The following RIT2 variants were observed in gnomAD, a reference collection of about 807,000 sequenced individuals.
RIT2 encodes Ras like without CAAX 2.
RIT2 carries 24 observed loss-of-function variants against 23.7 expected under a neutral mutation model. That is an observed-to-expected ratio of 1.01 (90% CI 0.73 to 1.43). The LOEUF is 1.43. Ranked by LOEUF, RIT2 falls within the 40% of genes most tolerant of loss-of-function variation. The pLI is 0.00. For synonymous variants in RIT2, 107 were observed against 91.1 expected (o/e 1.17, Z -0.99); for missense variants, 236 against 266.9 (o/e 0.88, Z 0.81).
At chr18:42,839,957 A>T (rs1906718137) in intron 4 of RIT2, among the ~76,000 whole-genome samples, 1 of 152,190 alleles carries the variant, frequency 6.6e-6, no homozygotes, top group Middle Eastern at 3.2e-3. Context: ...AAAAATCAAA[A>T]TGGTTAGGTT....
chr18:43,109,831 A>G (rs910397699), intron 1 of RIT2, among the ~76,000 whole-genome samples: 1 of 13,634 alleles, frequency 7.3e-5, no homozygotes, highest in Non-Finnish European at 2.8e-3. Context: ...TTGAAGATGT[A>G]TGTTGACAAC....
intron 2 of RIT2, among the ~76,000 whole-genome samples, chr18:42,991,212 A>G (rs1048237078): frequency 6.6e-6 from 1 of 152,154 alleles, no homozygotes; most frequent in Non-Finnish European, 1.5e-5. Context: ...CCTTTTGCAT[A>G]GAGGTTACAG....
intron 4 of RIT2, among the ~76,000 whole-genome samples, chr18:42,781,921 T>G (rs1385382426): frequency 6.6e-6 from 1 of 152,226 alleles, no homozygotes; most frequent in Non-Finnish European, 1.5e-5. Context: ...TTCATCCACC[T>G]TTTTGCATTG....
chr18:43,110,145 G>A (rs926230168), intron 1 of RIT2, among the ~76,000 whole-genome samples: 1 of 151,728 alleles, frequency 6.6e-6, no homozygotes, highest in Non-Finnish European at 1.5e-5. Context: ...ATCTTATTTT[G>A]CAAAATATGA....
intron 4 of RIT2, among the ~76,000 whole-genome samples, chr18:42,787,434 A>G (rs1180555289): frequency 7.7e-6 from 1 of 129,806 alleles, no homozygotes; most frequent in African/African-American, 3.9e-5. Context: ...ATTTAAAAAA[A>G]GAAAAAAAAA....
At chr18:42,827,312 A>G (rs1054738109) in intron 4 of RIT2, among the ~76,000 whole-genome samples, 2 of 152,196 alleles carry the variant, frequency 1.3e-5, no homozygotes, top group Non-Finnish European at 2.9e-5. Flanking sequence ...ATAGCATTAG[A>G]TATCTTCATT....
intron 2 of RIT2, among the ~76,000 whole-genome samples, chr18:42,988,676 C>T (rs937752555): frequency 6.6e-6 from 1 of 152,184 alleles, no homozygotes; most frequent in Non-Finnish European, 1.5e-5. Context: ...TTATCAACCA[C>T]AAACACCTTA....
intron 4 of RIT2, among the ~76,000 whole-genome samples, chr18:42,821,089 C>A (rs1446907178): frequency 6.6e-6 from 1 of 152,082 alleles, no homozygotes; most frequent in East Asian, 1.9e-4. Flanking sequence ...GATGCCAGTG[C>A]CATGCTTTCT....
Position 43,093,824 on chromosome 18 carries a change from T to C in RIT2, c.103+21593A>G, listed in dbSNP as rs140843795. Reference sequence around the variant, plus strand: ...TACTGACACTGACTTGCAGAAATGCTAAAATTCACCATCACCACACTATCT... The same window carrying C: ...TACTGACACTGACTTGCAGAAATGCCAAAATTCACCATCACCACACTATCT... On this transcript the variant is annotated intron_variant, in intron 1 of 4. Transcript: ENST00000326695. Among the ~76,000 whole-genome samples the C allele has an allele frequency of 1.8e-3, 281 of 152,172 alleles. 1 individual carries two copies. The highest frequency in any genetic ancestry group is 6.4e-3 in the African/African-American group (267 of 41,538).
At chr18:42,950,470 G>A (rs1909824061) in intron 3 of RIT2, among the ~76,000 whole-genome samples, 1 of 151,994 alleles carries the variant, frequency 6.6e-6, no homozygotes, top group Admixed American at 6.6e-5. Flanking sequence ...CACCATTCTG[G>A]ACATAGACTT....
intron 4 of RIT2, among the ~76,000 whole-genome samples, chr18:42,912,546 A>G (rs1356300521): frequency 1.3e-5 from 2 of 152,070 alleles, no homozygotes; most frequent in African/African-American, 2.4e-5. Flanking sequence ...ATATACTTTG[A>G]GGACTAATAA....
At chr18:42,804,632 A>T (rs978832331) in intron 4 of RIT2, among the ~76,000 whole-genome samples, 1 of 151,852 alleles carries the variant, frequency 6.6e-6, no homozygotes, top group African/African-American at 2.4e-5. Flanking sequence ...AGGTATCCCC[A>T]AGGGTTTTTC....
intron 1 of RIT2, among the ~76,000 whole-genome samples, chr18:43,083,002 T>C (rs1323621225): frequency 6.6e-6 from 1 of 152,138 alleles, no homozygotes; most frequent in Non-Finnish European, 1.5e-5. Context: ...GCCCAAAACC[T>C]CCTTAAGCTG....
intron 3 of RIT2, among the ~76,000 whole-genome samples, chr18:42,936,321 A>G (rs1909457582): frequency 6.6e-6 from 1 of 152,206 alleles, no homozygotes; most frequent in Non-Finnish European, 1.5e-5. Context: ...AATTGCCAGG[A>G]CACACATAGA....
intron 2 of RIT2, among the ~76,000 whole-genome samples, chr18:43,008,677 C>T (rs1464525119): frequency 2.6e-5 from 4 of 151,290 alleles, no homozygotes; most frequent in Non-Finnish European, 5.9e-5. Flanking sequence ...CTATTCAATA[C>T]TAAATCTCTG....
intron 4 of RIT2, among the ~76,000 whole-genome samples, chr18:42,855,332 T>C (rs984884043): frequency 2.0e-5 from 3 of 152,184 alleles, no homozygotes; most frequent in African/African-American, 7.2e-5. Context: ...GTGAAATTTA[T>C]AAGAGATTAA....
chr18:43,060,010 G>A (rs1223546014), intron 1 of RIT2, among the ~76,000 whole-genome samples: 1 of 152,094 alleles, frequency 6.6e-6, no homozygotes, highest in Non-Finnish European at 1.5e-5. Flanking sequence ...GGGACAATTA[G>A]GCTTAAAGCA....
intron 1 of RIT2, among the ~76,000 whole-genome samples, chr18:43,056,521 A>G (rs55921290): frequency 0.16 from 23,756 of 152,148 alleles, 2,135 homozygotes; most frequent in East Asian, 0.4. Context: ...TCTATCACCC[A>G]TCATATTTTA....
At chr18:42,898,719 C>T (rs760269722) in intron 4 of RIT2, among the ~76,000 whole-genome samples, 3 of 152,114 alleles carry the variant, frequency 2.0e-5, no homozygotes, top group Non-Finnish European at 4.4e-5. Flanking sequence ...ATGTGATCAT[C>T]ACTTCCTTTT....
Sources: allele counts gnomAD v4.1 joint callset (sites outside exome capture counted in the v4.1 genomes callset), GRCh38; gene constraint gnomAD v4.1.1; transcripts MANE v1.5; gene names NCBI Gene and HGNC (gene_info 2026-07-23, HGNC 2026-07-21).